Variants in SRGAP3 observed in about 807,000 individuals in gnomAD.
SRGAP3 encodes SLIT-ROBO Rho GTPase activating protein 3, also known as SLIT-ROBO Rho GTPase-activating protein 3.
In SRGAP3, 39 loss-of-function variants were observed where a neutral mutation model predicts 121.1. That is an observed-to-expected ratio of 0.32 (90% CI 0.25 to 0.42). SRGAP3 has a LOEUF of 0.42. Ranked by LOEUF, SRGAP3 falls within the 10% of genes least tolerant of loss-of-function variation. SRGAP3 has a pLI of 1.00. For synonymous variants in SRGAP3, 601 were observed against 570.0 expected (o/e 1.05, Z -0.77); for missense variants, 1,213 against 1,470.6 (o/e 0.82, Z 2.86).
intron 4 of SRGAP3, among the ~76,000 whole-genome samples, chr3:9,075,080 C>T (rs3856899): frequency 0.019 from 2,923 of 152,232 alleles, 97 homozygotes; most frequent in East Asian, 0.13. Context: ...CATTTTTAGC[C>T]GAACAGTGAA....
chr3:9,049,913 A>G (rs1945484526), intron 9 of SRGAP3, among the ~76,000 whole-genome samples: 1 of 151,914 alleles, frequency 6.6e-6, no homozygotes, highest in Non-Finnish European at 1.5e-5. Context: ...GGCACACGCC[A>G]GCCAAGTAGC....
At position 8,985,382 on chromosome 3, in the gene SRGAP3, T is replaced by G. The variant is rs1941625747; in HGVS notation, c.*137A>C. 6 of 1,469,994 alleles carry G rather than the reference T, an allele frequency of 4.1e-6. No homozygotes were observed. The highest frequency in any genetic ancestry group is 5.4e-6 in the Non-Finnish European group (6 of 1,115,264). The allele number at this position is 1,469,994 out of a possible 1,614,324, so 91.1% of individuals were successfully genotyped here. ...CTGCAGCCAGCGCCCGGGCCTCAGC[T>G]CTGCACAGACACACCCTCCCAGACG... On this transcript the variant is annotated 3_prime_UTR_variant, in exon 22 of 22. Transcript: ENST00000383836. The surrounding 1 kb of genome is among the most constrained non-coding windows in gnomAD (Gnocchi z 5.1).
chr3:9,302,181 C>T (rs1038643421), intron 3 of SRGAP3, among the ~76,000 whole-genome samples: 19 of 152,146 alleles, frequency 1.2e-4, no homozygotes, highest in Non-Finnish European at 1.6e-4. Context: ...CCCCAGGGCC[C>T]ACTGCTGGGT....
At chr3:9,111,096 T>A (rs1317451449) in intron 2 of SRGAP3, among the ~76,000 whole-genome samples, 1 of 152,236 alleles carries the variant, frequency 6.6e-6, no homozygotes, top group Non-Finnish European at 1.5e-5. Flanking sequence ...ATATTTTGTA[T>A]AGATCAGACC....
chr3:9,349,541 C>A (rs1031887002), intron 1 of SRGAP3: 5 of 184,668 alleles, frequency 2.7e-5, no homozygotes, highest in African/African-American at 9.5e-5. Context: ...ACCAATGAAG[C>A]AAGACAGCCT....
intron 1 of SRGAP3, chr3:9,349,084 T>A (rs1559288154): frequency 6.5e-6 from 6 of 925,382 alleles, no homozygotes; most frequent in Non-Finnish European, 1.1e-5. Context: ...GTATTCCCGT[T>A]GTCTATGAAT....
chr3:9,312,511 C>T (rs1204228262), intron 3 of SRGAP3, among the ~76,000 whole-genome samples: 1 of 152,232 alleles, frequency 6.6e-6, no homozygotes, highest in African/African-American at 2.4e-5. Context: ...CTCTGTCTAG[C>T]CACATGCTCA....
intron 4 of SRGAP3, among the ~76,000 whole-genome samples, chr3:9,068,416 C>T (rs1331580787): frequency 6.6e-6 from 1 of 152,174 alleles, no homozygotes; most frequent in Admixed American, 6.5e-5. Context: ...TGCCCTCCGA[C>T]AGGCCAAACT....
intron 1 of SRGAP3, among the ~76,000 whole-genome samples, chr3:9,185,431 GCTGA>G (rs1477161306): frequency 6.6e-6 from 1 of 152,188 alleles, no homozygotes. Context: ...TGTGAACTGG[GCTGA>G]CTGTGGAAGG....
At position 9,257,698 on chromosome 3, in the gene SRGAP3, C is replaced by CTTTTTTTTTTTTTT; in HGVS notation, n.442+68298_442+68311dup. ...ACTCACTCATTAAACAAAATAGCTCCTTTTTTTTTTTTTTTTTTTTTTTTT... is the reference window on the plus strand; with the variant it reads ...ACTCACTCATTAAACAAAATAGCTCCTTTTTTTTTTTTTTTTTTTTTTTTTTTTTTTTTTTTTTT... On this transcript the variant is annotated intron_variant and non_coding_transcript_variant, in intron 3 of 3. Transcript: ENST00000490889. Among the ~76,000 whole-genome samples, 54 of 73,246 alleles carry CTTTTTTTTTTTTTT rather than the reference C, an allele frequency of 7.4e-4. 10 individuals are homozygous for CTTTTTTTTTTTTTT. Among genetic ancestry groups the CTTTTTTTTTTTTTT allele is most frequent in the Non-Finnish European group, 1.1e-3 (45 of 39,860 alleles). 48.1% of individuals were successfully genotyped at this position (73,246 alleles called of 152,430 possible).
rs199825045 is a variant in SRGAP3, at chr3:9,317,297, C to T, written n.442+8713G>A. 6.6e-5 allele frequency among the ~76,000 whole-genome samples: 10 copies of T among 152,306 alleles called. No homozygotes were observed. The East Asian group carries it at 1.5e-3, about 24-fold the overall frequency. On this transcript the variant is annotated intron_variant and non_coding_transcript_variant, in intron 3 of 3. Coordinates refer to the SRGAP3 transcript ENST00000490889. The stretch of plus-strand genomic sequence containing the variant: ...CCCAGAAACAGGGAAATATTTCGGC[C>T]GTAAATTTCCCTAGGAGCTGGCCTG...
At position 9,211,873 on chromosome 3, in the gene SRGAP3, G is replaced by A. The variant is rs560957161; in HGVS notation, c.67+37012C>T. Among the ~76,000 whole-genome samples the A allele has an allele frequency of 1.4e-4, 21 of 151,844 alleles. No homozygotes were observed. In the East Asian group the frequency reaches 3.3e-3, roughly 24 times the overall value. ...TTATTCTTTGTAGAGATAAGGTCTC[G>A]CTATGTTGCCCTGGCTGGTCTCAAA... On this transcript the variant is annotated intron_variant, in intron 1 of 21. Coordinates refer to ENST00000383836, the MANE Select transcript of SRGAP3 (RefSeq NM_014850.4).
chr3:9,360,808 G>C (rs190764195), intron 1 of SRGAP3, among the ~76,000 whole-genome samples: 2 of 152,160 alleles, frequency 1.3e-5, no homozygotes, highest in African/African-American at 2.4e-5. Context: ...CAATATATGG[G>C]AATTATGGGA....
intron 1 of SRGAP3, among the ~76,000 whole-genome samples, chr3:9,129,050 A>G (rs913603209): frequency 9.2e-5 from 14 of 152,230 alleles, no homozygotes; most frequent in African/African-American, 3.4e-4. Flanking sequence ...AGGCTTCAAT[A>G]AAAAGACAAA....
At chr3:9,162,849 G>A (rs1184328225) in intron 1 of SRGAP3, among the ~76,000 whole-genome samples, 1 of 152,234 alleles carries the variant, frequency 6.6e-6, no homozygotes, top group Non-Finnish European at 1.5e-5. Flanking sequence ...TTGAAATAGT[G>A]TAAATGACTC....
intron 3 of SRGAP3, among the ~76,000 whole-genome samples, chr3:9,266,150 C>A (rs879216115): frequency 6.6e-6 from 1 of 152,128 alleles, no homozygotes; most frequent in Non-Finnish European, 1.5e-5. Context: ...CATGTTCTCA[C>A]TCATAAGTGG....
At chr3:9,164,276 T>TTTTATTTATTTATTTA (rs111936459) in intron 1 of SRGAP3, among the ~76,000 whole-genome samples, 34,012 of 140,610 alleles carry the variant, frequency 0.24, 5,375 homozygotes, top group Admixed American at 0.33. Context: ...ACCCAGACTA[T>TTTTATTTATTTATTTA]TTTATTTATT....
At chr3:9,129,969 C>T (rs1949382456) in intron 1 of SRGAP3, among the ~76,000 whole-genome samples, 1 of 152,032 alleles carries the variant, frequency 6.6e-6, no homozygotes, top group South Asian at 2.1e-4. Context: ...ACCATGTTAG[C>T]CAGGCTGGTG....
Position 8,990,758 on chromosome 3 carries a change from G to A in SRGAP3, c.2640C>T (p.Gly880=), listed in dbSNP as rs774368443. Residue 880 remains glycine, a synonymous_variant, in exon 21 of 22, where the codon GGC becomes GGT. Transcript: ENST00000383836. ...GDTHSPPRGL[G]PSIDTPPRAA... ...CCCGGGGTGGTGTGTCTATGCTGGG[G>A]CCCAGGCCCCGGGGCGGGCTGTGTG... 1.2e-6 allele frequency: 2 copies of A among 1,606,504 alleles called. No homozygotes were observed. Among genetic ancestry groups the A allele is most frequent in the South Asian group, 1.1e-5 (1 of 90,332 alleles).
Sources: allele counts gnomAD v4.1 joint callset (sites outside exome capture counted in the v4.1 genomes callset), GRCh38; gene constraint gnomAD v4.1.1; non-coding constraint Gnocchi (gnomAD v3.1); transcripts MANE v1.5; gene names NCBI Gene and HGNC (gene_info 2026-07-23, HGNC 2026-07-21).